The following PRR5L variants were observed in gnomAD, a reference collection of about 807,000 sequenced individuals.
PRR5L encodes the protein proline-rich protein 5-like.
Under a neutral mutation model 36.4 loss-of-function variants are expected in PRR5L, and 21 were observed. That is an observed-to-expected ratio of 0.58 (90% CI 0.41 to 0.83). The LOEUF is 0.83. Among genes scored for constraint, PRR5L ranks in the 40% least tolerant of loss-of-function variants. The pLI is 0.00. For synonymous variants in PRR5L, 188 were observed against 197.0 expected (o/e 0.95, Z 0.38); for missense variants, 381 against 473.3 (o/e 0.80, Z 1.81).
rs61754948 is a variant in PRR5L, at chr11:36,462,520, G to A, written c.891G>A (p.Ser297=). The A allele has an allele frequency of 2.3e-3, 3,758 of 1,608,496 alleles. 75 individuals are homozygous for A. In the African/African-American group the frequency reaches 0.044, roughly 19 times the overall value. Residue 297 remains serine, a synonymous_variant, in exon 9 of 9, where the codon TCG becomes TCA. Transcript: ENST00000530639. ...VRRHTVANAH[S]DIQLLAMATM... The stretch of plus-strand genomic sequence containing the variant: ...GGCACACGGTGGCCAATGCCCACTC[G>A]GACATCCAGCTGCTGGCCATGGCCA...
intron 3 of PRR5L, among the ~76,000 whole-genome samples, chr11:36,413,684 T>C: frequency 6.6e-6 from 1 of 151,746 alleles, no homozygotes; most frequent in Middle Eastern, 3.4e-3. Context: ...GTATACTTTA[T>C]TTTATTTATT....
intron 1 of PRR5L, among the ~76,000 whole-genome samples, chr11:36,384,710 TCA>T (rs1213678695): frequency 2.6e-5 from 4 of 151,900 alleles, no homozygotes; most frequent in Non-Finnish European, 5.9e-5. Flanking sequence ...TCTCACTTTG[TCA>T]CACAGACTGG....
In PRR5L at chr11:36,462,457, G is replaced by A. The variant is rs1859207207; in HGVS notation, c.828G>A (p.Glu276=). The change falls in exon 9 of 9, where the codon GAG becomes GAA. Residue 276 remains glutamate, a synonymous_variant. Transcript: ENST00000530639. ...TCTTGACCCCACTGACAGAGCAGGA[G>A]GGGGAAGCCTACCTGGAGAAGTGTG... ...EMVLTPLTEQ[E]GEAYLEKCGS... 1 of 1,607,686 alleles carries A rather than the reference G, an allele frequency of 6.2e-7. No individual in the cohort carries two copies. Among genetic ancestry groups the A allele is most frequent in the Non-Finnish European group, 8.5e-7 (1 of 1,176,616 alleles).
intron 1 of PRR5L, among the ~76,000 whole-genome samples, chr11:36,327,294 C>T (rs948237748): frequency 2.6e-5 from 4 of 152,128 alleles, no homozygotes; most frequent in Non-Finnish European, 5.9e-5. Context: ...TGATGGGAAT[C>T]GGGGTGTTGG....
intron 6 of PRR5L, among the ~76,000 whole-genome samples, chr11:36,439,870 G>A (rs1032475580): frequency 2.0e-5 from 3 of 152,130 alleles, no homozygotes; most frequent in Admixed American, 6.5e-5. Flanking sequence ...GATATGCACT[G>A]TTATTTTTTT....
At chr11:36,358,113 A>G (rs114055857) in intron 1 of PRR5L, among the ~76,000 whole-genome samples, 1 of 152,252 alleles carries the variant, frequency 6.6e-6, no homozygotes, top group Non-Finnish European at 1.5e-5. Flanking sequence ...CTCCTGATGA[A>G]GATGCTGTGA....
intron 1 of PRR5L, among the ~76,000 whole-genome samples, chr11:36,300,170 G>C (rs1043354918): frequency 1.3e-5 from 2 of 152,242 alleles, no homozygotes; most frequent in East Asian, 1.9e-4. Flanking sequence ...ACCTGAGACT[G>C]GGTAATTTTT....
At chr11:36,376,677 G>A (rs1470868658) in intron 1 of PRR5L, 2 of 991,722 alleles carry the variant, frequency 2.0e-6, no homozygotes, top group Non-Finnish European at 2.4e-6. Context: ...CGCGACTCGG[G>A]GTGATTCACG....
chr11:36,407,716 T>C lies in PRR5L; in HGVS notation c.245+4338T>C, dbSNP rs192628516. Among the ~76,000 whole-genome samples, 18 of 152,358 alleles carry C rather than the reference T, an allele frequency of 1.2e-4. No homozygotes were observed. In the East Asian group the frequency reaches 3.3e-3, roughly 28 times the overall value. Reference sequence around the variant, plus strand: ...CCACTTTCTATCTGTAGGGTTAGTATGTACCTGGGAAATACAAATTTATTT... The same window carrying C: ...CCACTTTCTATCTGTAGGGTTAGTACGTACCTGGGAAATACAAATTTATTT... On this transcript the variant is annotated intron_variant, in intron 3 of 8. Coordinates refer to ENST00000530639, the MANE Select transcript of PRR5L (RefSeq NM_001160167.2).
chr11:36,420,272 T>G (rs6484853), intron 4 of PRR5L, among the ~76,000 whole-genome samples: 150,759 of 152,342 alleles, frequency 0.99, 74,617 homozygotes, highest in South Asian at 1. Context: ...ACCTTAAAAG[T>G]TTATTATATG....
intron 1 of PRR5L, among the ~76,000 whole-genome samples, chr11:36,352,244 C>A (rs2554014): frequency 0.79 from 119,874 of 152,052 alleles, 47,467 homozygotes; most frequent in East Asian, 0.96. Flanking sequence ...AGAATTGTCT[C>A]TCCATGTTCT....
chr11:36,402,544 A>G (rs768338141), intron 2 of PRR5L, among the ~76,000 whole-genome samples: 16 of 152,194 alleles, frequency 1.1e-4, no homozygotes, highest in Non-Finnish European at 1.6e-4. Context: ...TGCCCAGCCC[A>G]TTATGGATAT....
Position 36,462,607 on chromosome 11 carries a change from A to T in PRR5L, c.978A>T (p.Pro326=), listed in dbSNP as rs774352281. The part of the protein sequence containing the change: ...ASSENKCLLL[P]PSFPPPHRQC... ...GTGAGAACAAGTGCCTGCTCCTGCC[A>T]CCCAGCTTCCCCCCGCCCCACCGGC... The change falls in exon 9 of 9, where the codon CCA becomes CCT. Residue 326 remains proline, a synonymous_variant. Coordinates refer to ENST00000530639, the MANE Select transcript of PRR5L (RefSeq NM_001160167.2). The T allele has an allele frequency of 3.1e-6, 5 of 1,612,492 alleles. No homozygotes were observed. Among genetic ancestry groups the T allele is most frequent in the Non-Finnish European group, 4.2e-6 (5 of 1,179,876 alleles).
Position 36,401,098 on chromosome 11 carries a change from G to A in PRR5L, c.-24G>A, listed in dbSNP as rs369294600. 2.5e-5 allele frequency: 41 copies of A among 1,612,926 alleles called. No individual in the cohort carries two copies. In the African/African-American group the frequency reaches 5.3e-4, roughly 21 times the overall value. ...TTCGGAACCTTCTGGTCCTAGAGGT[G>A]AAGCTGAACTGTCACCAGGACTTAT... On this transcript the variant is annotated 5_prime_UTR_variant, in exon 2 of 9. Transcript: ENST00000530639.
intron 1 of PRR5L, among the ~76,000 whole-genome samples, chr11:36,389,394 C>A (rs974085102): frequency 6.6e-6 from 1 of 152,110 alleles, no homozygotes; most frequent in Non-Finnish European, 1.5e-5. Context: ...TAGCTTTTTG[C>A]GCCCCTACTC....
intron 1 of PRR5L, among the ~76,000 whole-genome samples, chr11:36,385,647 GT>G (rs1234532642): frequency 6.6e-6 from 1 of 152,196 alleles, no homozygotes; most frequent in East Asian, 1.9e-4. Flanking sequence ...CTTGCTTCCT[GT>G]TGAGCCCTTT....
chr11:36,308,375 T>C (rs1259820450), intron 1 of PRR5L, among the ~76,000 whole-genome samples: 2 of 152,174 alleles, frequency 1.3e-5, no homozygotes, highest in African/African-American at 4.8e-5. Flanking sequence ...TTTGAAAGTT[T>C]GGTTTGAGGC....
intron 1 of PRR5L, among the ~76,000 whole-genome samples, chr11:36,365,988 A>G (rs756508760): frequency 6.6e-6 from 1 of 152,226 alleles, no homozygotes; most frequent in Non-Finnish European, 1.5e-5. Context: ...GCTCTTGCAG[A>G]AATCTAATTT....
chr11:36,401,300 A>G lies in PRR5L; in HGVS notation c.164+15A>G. 5.6e-6 allele frequency: 9 copies of G among 1,607,604 alleles called. No individual in the cohort carries two copies. The highest frequency in any genetic ancestry group is 7.6e-6 in the Non-Finnish European group (9 of 1,179,614). On this transcript the variant is annotated intron_variant, in intron 2 of 8. Coordinates refer to ENST00000530639, the MANE Select transcript of PRR5L (RefSeq NM_001160167.2). ...GCCTGGAACAGGTGAAGGAGGCTGC[A>G]GGATGTGGGGTGGAGGGCTGCCAAG... is the stretch of plus-strand genomic sequence containing the variant.
Sources: gnomAD v4.1 joint callset for allele counts (sites outside exome capture counted in the v4.1 genomes callset) on GRCh38, gnomAD v4.1.1 for gene constraint, MANE v1.5 for transcripts, NCBI Gene and HGNC (gene_info 2026-07-23, HGNC 2026-07-21) for gene names.